NUDCD1: variants seen among roughly 807,000 people sequenced by gnomAD.
NUDCD1 encodes nudC domain-containing protein 1.
In NUDCD1, 60 loss-of-function variants were observed where a neutral mutation model predicts 67.8. That is an observed-to-expected ratio of 0.88 (90% CI 0.72 to 1.10). NUDCD1 has a LOEUF of 1.10. Ranked by LOEUF, NUDCD1 falls within the 50% of genes least tolerant of loss-of-function variation. NUDCD1 has a pLI of 0.00. For synonymous variants in NUDCD1, 244 were observed against 230.8 expected (o/e 1.06, Z -0.52); for missense variants, 643 against 695.0 (o/e 0.93, Z 0.84).
At chr8:109,319,308 C>A (rs1483770067) in intron 2 of NUDCD1, among the ~76,000 whole-genome samples, 1 of 152,142 alleles carries the variant, frequency 6.6e-6, no homozygotes, top group Non-Finnish European at 1.5e-5. Context: ...TTAATTGGAA[C>A]ACGGCCACAC....
At chr8:109,290,007 T>A in intron 4 of NUDCD1, 74 bp from the exon 5 acceptor site, 1 of 656,130 alleles carries the variant, frequency 1.5e-6, no homozygotes, top group Non-Finnish European at 2.4e-6. Flanking sequence ...ATTTAAAAAT[T>A]GATTTTAATT....
At chr8:109,256,018 T>A (rs1813729185) in intron 8 of NUDCD1, among the ~76,000 whole-genome samples, 1 of 152,106 alleles carries the variant, frequency 6.6e-6, no homozygotes, top group African/African-American at 2.4e-5. Context: ...TGATACCTGC[T>A]TGGGCAACAC....
chr8:109,261,224 T>A (rs1813857903), intron 8 of NUDCD1, among the ~76,000 whole-genome samples: 1 of 152,182 alleles, frequency 6.6e-6, no homozygotes, highest in Non-Finnish European at 1.5e-5. Flanking sequence ...TTTAAAACAG[T>A]AGGCTACAAA....
At chr8:109,332,276 G>C (rs1273066911) in intron 1 of NUDCD1, among the ~76,000 whole-genome samples, 1 of 152,152 alleles carries the variant, frequency 6.6e-6, no homozygotes, top group Non-Finnish European at 1.5e-5. Flanking sequence ...TAGAGTTCAG[G>C]TAAGAGATAA....
intron 2 of NUDCD1, among the ~76,000 whole-genome samples, chr8:109,313,497 G>A (rs1049271352): frequency 1.3e-5 from 2 of 152,158 alleles, no homozygotes; most frequent in Admixed American, 6.5e-5. Context: ...TGTAGTGGTC[G>A]GGGAGATCAG....
intron 6 of NUDCD1, among the ~76,000 whole-genome samples, chr8:109,279,058 C>T (rs188070935): frequency 1.5e-4 from 23 of 152,100 alleles, no homozygotes; most frequent in African/African-American, 3.6e-4. Flanking sequence ...CACTGCACTC[C>T]ATCCTGGGCA....
At chr8:109,304,311 C>A (rs747182374) in intron 2 of NUDCD1, among the ~76,000 whole-genome samples, 1 of 152,192 alleles carries the variant, frequency 6.6e-6, no homozygotes, top group Non-Finnish European at 1.5e-5. Context: ...ATGACTGTAT[C>A]TCTCTGATCC....
At chr8:109,250,604 T>C (rs1813601160) in intron 8 of NUDCD1, among the ~76,000 whole-genome samples, 1 of 152,226 alleles carries the variant, frequency 6.6e-6, no homozygotes, top group East Asian at 1.9e-4. Flanking sequence ...CCATGAAGTA[T>C]GGTGTTAACT....
chr8:109,280,589 C>T (rs565323975), intron 6 of NUDCD1, among the ~76,000 whole-genome samples: 28 of 152,224 alleles, frequency 1.8e-4, no homozygotes, highest in African/African-American at 6.7e-4. Context: ...CACTCTACAT[C>T]CTTTTGTATA....
intron 8 of NUDCD1, among the ~76,000 whole-genome samples, chr8:109,256,328 AT>A (rs1813736870): frequency 6.6e-6 from 1 of 152,210 alleles, no homozygotes; most frequent in Admixed American, 6.5e-5. Flanking sequence ...AAGTTAGAAG[AT>A]CAAGAACAGG....
At chr8:109,294,878 T>C (rs1040479852) in intron 3 of NUDCD1, among the ~76,000 whole-genome samples, 6 of 152,046 alleles carry the variant, frequency 3.9e-5, no homozygotes, top group African/African-American at 1.4e-4. Flanking sequence ...CTCTGTTATA[T>C]TAATTACCCT....
chr8:109,301,737 C>T (rs1276229066), intron 2 of NUDCD1, among the ~76,000 whole-genome samples: 1 of 152,250 alleles, frequency 6.6e-6, no homozygotes, highest in Non-Finnish European at 1.5e-5. Context: ...CCAATTCCAG[C>T]TCTTTGTCCT....
intron 2 of NUDCD1, among the ~76,000 whole-genome samples, chr8:109,310,283 T>C (rs1469210776): frequency 1.3e-5 from 2 of 151,150 alleles, no homozygotes; most frequent in African/African-American, 4.9e-5. Flanking sequence ...CACAGACCAA[T>C]GGAAAAAAAA....
chr8:109,316,404 C>G (rs1815395964), intron 2 of NUDCD1: 1 of 152,072 alleles, frequency 6.6e-6, no homozygotes, highest in Non-Finnish European at 1.5e-5. Flanking sequence ...GTGTTGGGTC[C>G]CATAGCATTC....
Position 109,275,341 on chromosome 8 carries a change from C to G in NUDCD1, c.1173+11G>C, listed in dbSNP as rs1168066129. The G allele has an allele frequency of 3.1e-6, 5 of 1,610,444 alleles. No individual in the cohort carries two copies. Among genetic ancestry groups the G allele is most frequent in the Non-Finnish European group, 4.2e-6 (5 of 1,178,366 alleles). On this transcript the variant is annotated intron_variant, in intron 7 of 9. Coordinates refer to ENST00000239690, the MANE Select transcript of NUDCD1 (RefSeq NM_032869.4). Reference sequence around the variant, plus strand: ...CCCTTGGAAAGTCACACTACTATTCCAACTACTTACCAGTTCTTCAGAGGT... The same window carrying G: ...CCCTTGGAAAGTCACACTACTATTCGAACTACTTACCAGTTCTTCAGAGGT...
chr8:109,251,135 C>A (rs1311574437), intron 8 of NUDCD1, among the ~76,000 whole-genome samples: 1 of 150,730 alleles, frequency 6.6e-6, no homozygotes, highest in African/African-American at 2.4e-5. Flanking sequence ...TAATCTTCTT[C>A]AACAGATATA....
At chr8:109,249,333 G>A (rs1401805696) in intron 8 of NUDCD1, among the ~76,000 whole-genome samples, 1 of 152,156 alleles carries the variant, frequency 6.6e-6, no homozygotes, top group African/African-American at 2.4e-5. Context: ...AGAATGAGAT[G>A]AGTAACACTG....
intron 8 of NUDCD1, among the ~76,000 whole-genome samples, chr8:109,268,794 T>C (rs189690148): frequency 6.6e-6 from 1 of 152,236 alleles, no homozygotes; most frequent in East Asian, 1.9e-4. Context: ...CTGCAACTGG[T>C]TCTCTAAAAT....
intron 4 of NUDCD1, among the ~76,000 whole-genome samples, chr8:109,292,782 TGACA>T (rs1586284442): frequency 6.6e-6 from 1 of 152,052 alleles, no homozygotes; most frequent in Non-Finnish European, 1.5e-5. Flanking sequence ...GTTAGAAGCT[TGACA>T]GACAGCTTCA....
Sources: allele counts gnomAD v4.1 joint callset (sites outside exome capture counted in the v4.1 genomes callset), GRCh38; gene constraint gnomAD v4.1.1; transcripts MANE v1.5; gene names NCBI Gene and HGNC (gene_info 2026-07-23, HGNC 2026-07-21).